The following DNAJB5 variants were observed in gnomAD, a reference collection of about 807,000 sequenced individuals.
DNAJB5 encodes the protein dnaJ homolog subfamily B member 5.
DNAJB5 carries 12 observed loss-of-function variants against 32.6 expected under a neutral mutation model. The observed-to-expected ratio is 0.37, with a 90% CI of 0.24 to 0.60. The LOEUF (loss-of-function observed/expected upper bound fraction) is 0.60. Among genes scored for constraint, DNAJB5 ranks in the 20% least tolerant of loss-of-function variants. The pLI, the probability that DNAJB5 is intolerant of heterozygous loss-of-function variation, is 0.71. For synonymous variants in DNAJB5, 188 were observed against 212.9 expected (o/e 0.88, Z 1.02); for missense variants, 358 against 554.2 (o/e 0.65, Z 3.55).
rs1182996471 is a variant in DNAJB5, at chr9:34,990,345, C to A, written c.-132-154C>A. On this transcript the variant is annotated intron_variant, in intron 1 of 4. Transcript: ENST00000682809. This position sits in a 1 kb window ranked among gnomAD's most constrained non-coding sequence, Gnocchi z 4.5. ...CGGGCCCTCACAATCACACCTGTCACAGGTATACACGCTGCCACTCACAAA... is the reference window on the plus strand; with the variant it reads ...CGGGCCCTCACAATCACACCTGTCAAAGGTATACACGCTGCCACTCACAAA... 3 of 1,483,102 alleles carry A rather than the reference C, an allele frequency of 2.0e-6. No homozygotes were observed. Among genetic ancestry groups the A allele is most frequent in the Middle Eastern group, 2.3e-4 (1 of 4,268 alleles). 91.9% of individuals were successfully genotyped at this position (1,483,102 alleles called of 1,614,324 possible). A position where few individuals can be genotyped will look rare whatever the true frequency, so the allele number is the denominator to read the frequency against.
rs975808584 is a variant in DNAJB5, at chr9:34,991,673, C to CA, written c.182+861_182+862insA. 1.3e-5 allele frequency: 3 copies of CA among 236,672 alleles called. 1 individual carries two copies. The highest frequency in any genetic ancestry group is 8.2e-5 in the African/African-American group (3 of 36,768). The allele number at this position is 236,672 out of a possible 1,614,324, so 14.7% of individuals were successfully genotyped here. On this transcript the variant is annotated intron_variant, in intron 2 of 4. Transcript: ENST00000682809. Reference sequence around the variant, plus strand: ...TGCCATTTCCGAAAACGGTTGCCCCCCCCCCCAACGAGGTGCTCTTTCTTC... The same window carrying CA: ...TGCCATTTCCGAAAACGGTTGCCCCCACCCCCCAACGAGGTGCTCTTTCTTC...
At position 34,990,972 on chromosome 9, in the gene DNAJB5, C is replaced by A; in HGVS notation, c.182+160C>A. 1.5e-6 allele frequency: 1 copy of A among 685,360 alleles called. No homozygotes were observed. The highest frequency in any genetic ancestry group is 2.4e-6 in the Non-Finnish European group (1 of 414,924). 42.5% of individuals were successfully genotyped at this position (685,360 alleles called of 1,614,324 possible). A position where few individuals can be genotyped will look rare whatever the true frequency, so the allele number is the denominator to read the frequency against. ...CTCACCCACATATTTGAATGAATTGCACCCCTTATCATTCCTTTTCTCAAA... is the reference window on the plus strand; with the variant it reads ...CTCACCCACATATTTGAATGAATTGAACCCCTTATCATTCCTTTTCTCAAA... On this transcript the variant is annotated intron_variant, in intron 2 of 4. Coordinates refer to ENST00000682809, the MANE Select transcript of DNAJB5 (RefSeq NM_001349723.3). This position sits in a 1 kb window ranked among gnomAD's most constrained non-coding sequence, Gnocchi z 4.5.
rs544994436 is a variant in DNAJB5, at chr9:34,992,838, A to G, written c.183-362A>G. The G allele has an allele frequency of 1.9e-4, 209 of 1,072,410 alleles. No homozygotes were observed. The African/African-American group carries it at 3.2e-3, about 16-fold the overall frequency. The allele number at this position is 1,072,410 out of a possible 1,614,324, so 66.4% of individuals were successfully genotyped here. ...CTCACCCGTTACACTGACCTTCGCC[A>G]GCTCCTGTGTGTGGGTCGCTCAGTC... On this transcript the variant is annotated intron_variant, in intron 2 of 4. Transcript: ENST00000682809.
intron 2 of DNAJB5, chr9:34,991,364 C>T (rs766519545): frequency 2.2e-6 from 1 of 456,236 alleles, no homozygotes; most frequent in Non-Finnish European, 4.4e-6. Flanking sequence ...CCTGAAAGAG[C>T]TTGCCCTGTG....
In DNAJB5 at chr9:34,993,060, A is replaced by G; in HGVS notation, c.183-140A>G. 1 of 1,444,296 alleles carries G rather than the reference A, an allele frequency of 6.9e-7. No homozygotes were observed. The highest frequency in any genetic ancestry group is 9.1e-7 in the Non-Finnish European group (1 of 1,104,538). The allele number at this position is 1,444,296 out of a possible 1,614,324, so 89.5% of individuals were successfully genotyped here. ...ATCTAGTCCAAACCTTTCATTTTACAGATGGGGGGACGCAGGCCCACAGAA... is the reference window on the plus strand; with the variant it reads ...ATCTAGTCCAAACCTTTCATTTTACGGATGGGGGGACGCAGGCCCACAGAA... On this transcript the variant is annotated intron_variant, in intron 2 of 4. Coordinates refer to ENST00000682809, the MANE Select transcript of DNAJB5 (RefSeq NM_001349723.3). The surrounding 1 kb of genome is among the most constrained non-coding windows in gnomAD (Gnocchi z 4.7).
At position 34,990,177 on chromosome 9, in the gene DNAJB5, C is replaced by T. The variant is rs999559465; in HGVS notation, c.-132-322C>T. 3 of 1,138,510 alleles carry T rather than the reference C, an allele frequency of 2.6e-6. No individual in the cohort carries two copies. Among genetic ancestry groups the T allele is most frequent in the Admixed American group, 3.2e-5 (1 of 31,522 alleles). 70.5% of individuals were successfully genotyped at this position (1,138,510 alleles called of 1,614,324 possible). The stretch of plus-strand genomic sequence containing the variant: ...GAGCCCCCTCCCCTCCTCTCCTCGC[C>T]GCGCCTTTTGTCCCGGCCGAGCTCC... On this transcript the variant is annotated intron_variant, in intron 1 of 4. Coordinates refer to ENST00000682809, the MANE Select transcript of DNAJB5 (RefSeq NM_001349723.3). This position sits in a 1 kb window ranked among gnomAD's most constrained non-coding sequence, Gnocchi z 4.5.
chr9:34,990,197 A>G lies in DNAJB5; in HGVS notation c.-132-302A>G. 4 of 1,196,574 alleles carry G rather than the reference A, an allele frequency of 3.3e-6. No individual in the cohort carries two copies. The highest frequency in any genetic ancestry group is 3.2e-6 in the Non-Finnish European group (3 of 930,522). 74.1% of individuals were successfully genotyped at this position (1,196,574 alleles called of 1,614,324 possible). On this transcript the variant is annotated intron_variant, in intron 1 of 4. Transcript: ENST00000682809. The surrounding 1 kb of genome is among the most constrained non-coding windows in gnomAD (Gnocchi z 4.5). ...CTCGCCGCGCCTTTTGTCCCGGCCGAGCTCCGCTCTGCCCCGCCCATCTGC... is the reference window on the plus strand; with the variant it reads ...CTCGCCGCGCCTTTTGTCCCGGCCGGGCTCCGCTCTGCCCCGCCCATCTGC...
chr9:34,992,655 C>T, intron 2 of DNAJB5: 1 of 365,464 alleles, frequency 2.7e-6, no homozygotes, highest in Non-Finnish European at 3.8e-6. Flanking sequence ...CGATGGCAGA[C>T]AGGACTCCAG....
chr9:34,996,897 T>C lies in DNAJB5; in HGVS notation c.1029+31T>C. 1 of 1,590,308 alleles carries C rather than the reference T, an allele frequency of 6.3e-7. No homozygotes were observed. Among genetic ancestry groups the C allele is most frequent in the Non-Finnish European group, 8.6e-7 (1 of 1,168,848 alleles). ...GCCTAGTCAGGCTGTGTGTGTGTGC[T>C]GGGGAGATGGTGGGGACATTCCCTC... On this transcript the variant is annotated intron_variant, in intron 4 of 4. Transcript: ENST00000682809. The surrounding 1 kb of genome is among the most constrained non-coding windows in gnomAD (Gnocchi z 7.2).
Position 34,990,090 on chromosome 9 carries a change from G to A in DNAJB5, c.-133+259G>A, listed in dbSNP as rs1029277803. The A allele has an allele frequency of 1.1e-4, 83 of 727,166 alleles. No homozygotes were observed. The highest frequency in any genetic ancestry group is 1.7e-4 in the Non-Finnish European group (77 of 461,256). The allele number at this position is 727,166 out of a possible 1,614,324, so 45.0% of individuals were successfully genotyped here. On this transcript the variant is annotated intron_variant, in intron 1 of 4. Coordinates refer to ENST00000682809, the MANE Select transcript of DNAJB5 (RefSeq NM_001349723.3). This position sits in a 1 kb window ranked among gnomAD's most constrained non-coding sequence, Gnocchi z 4.5. ...ACCAGATTGGGTTCTGTGGGGCGGA[G>A]GCATCTGTGAGCAGACCAGCCAGCC...
chr9:34,994,994 C>T (rs971405899), intron 3 of DNAJB5, among the ~76,000 whole-genome samples: 1 of 152,126 alleles, frequency 6.6e-6, no homozygotes, highest in Non-Finnish European at 1.5e-5. Context: ...GAGAATTACC[C>T]CTTCCCATCA....
In DNAJB5 at chr9:34,993,441, G is replaced by C; in HGVS notation, c.424G>C (p.Glu142Gln). ...KRGLYDQYGEEGLKTGGGTSG... is the reference protein window; with the variant it reads ...KRGLYDQYGEQGLKTGGGTSG... ...GGGCCTGTATGACCAGTATGGGGAG[G>C]AAGGTAAGAGGGCAGCACTCCAGCC... Residue 142 changes from glutamate (E) to glutamine (Q), a missense_variant, in exon 3 of 5, where the codon GAA (glutamate) becomes CAA (glutamine). By Grantham distance (29) the Glu-to-Gln change is conservative (BLOSUM62 2). Transcript: ENST00000682809. The surrounding 1 kb of genome is among the most constrained non-coding windows in gnomAD (Gnocchi z 4.7). 1.9e-6 allele frequency: 3 copies of C among 1,610,808 alleles called. No individual in the cohort carries two copies. Among genetic ancestry groups the C allele is most frequent in the Non-Finnish European group, 2.5e-6 (3 of 1,179,192 alleles).
Position 34,990,321 on chromosome 9 carries a change from G to T in DNAJB5, c.-132-178G>T. On this transcript the variant is annotated intron_variant, in intron 1 of 4. Transcript: ENST00000682809. The surrounding 1 kb of genome is among the most constrained non-coding windows in gnomAD (Gnocchi z 4.5). ...AGGCGACAGGAGCTCACTGCCTCTCGGGCCCTCACAATCACACCTGTCACA... is the reference window on the plus strand; with the variant it reads ...AGGCGACAGGAGCTCACTGCCTCTCTGGCCCTCACAATCACACCTGTCACA... 6.9e-7 allele frequency: 1 copy of T among 1,450,496 alleles called. No individual in the cohort carries two copies. Among genetic ancestry groups the T allele is most frequent in the Non-Finnish European group, 9.1e-7 (1 of 1,093,482 alleles). 89.9% of individuals were successfully genotyped at this position (1,450,496 alleles called of 1,614,324 possible). A position where few individuals can be genotyped will look rare whatever the true frequency, so the allele number is the denominator to read the frequency against.
At chr9:34,989,934 G>A in intron 1 of DNAJB5, 103 bp downstream of exon 1, 2 of 1,253,188 alleles carry the variant, frequency 1.6e-6, no homozygotes, top group Non-Finnish European at 2.0e-6. Flanking sequence ...CGTAGGCTCT[G>A]CTGCCTTGGG....
At position 34,990,130 on chromosome 9, in the gene DNAJB5, C is replaced by T. The variant is rs2132968383; in HGVS notation, c.-133+299C>T. 1 of 792,560 alleles carries T rather than the reference C, an allele frequency of 1.3e-6. No individual in the cohort carries two copies. The highest frequency in any genetic ancestry group is 3.2e-5 in the East Asian group (1 of 31,632). 49.1% of individuals were successfully genotyped at this position (792,560 alleles called of 1,614,324 possible). Reference sequence around the variant, plus strand: ...ACCAGCCAGCCAGCGCGGGTGACATCACCGACCACCCTCCCCCGCCCGAGC... The same window carrying T: ...ACCAGCCAGCCAGCGCGGGTGACATTACCGACCACCCTCCCCCGCCCGAGC... On this transcript the variant is annotated intron_variant, in intron 1 of 4. Coordinates refer to ENST00000682809, the MANE Select transcript of DNAJB5 (RefSeq NM_001349723.3). The surrounding 1 kb of genome is among the most constrained non-coding windows in gnomAD (Gnocchi z 4.5).
chr9:34,996,355 T>C lies in DNAJB5; in HGVS notation c.518T>C (p.Phe173Ser), dbSNP rs1055753965. ...GACCCCCATGCCACCTTTGCCTCCTTCTTTGGTGGCTCCAACCCCTTCGAT... is the reference window on the plus strand; with the variant it reads ...GACCCCCATGCCACCTTTGCCTCCTCCTTTGGTGGCTCCAACCCCTTCGAT... Reference protein sequence around the residue: ...HGDPHATFASFFGGSNPFDIF... With the variant: ...HGDPHATFASSFGGSNPFDIF... Residue 173 changes from phenylalanine (F) to serine (S), a missense_variant, in exon 4 of 5, where the codon TTC becomes TCC. By Grantham distance (155) the Phe-to-Ser change is radical (BLOSUM62 -2). Around this residue, in one of 2 missense-constraint regions of DNAJB5, gnomAD observed 248 missense variants for 442.6 expected, o/e 0.56. Transcript: ENST00000682809. This position sits in a 1 kb window ranked among gnomAD's most constrained non-coding sequence, Gnocchi z 7.2. 1 of 1,614,082 alleles carries C rather than the reference T, an allele frequency of 6.2e-7. No individual in the cohort carries two copies. Among genetic ancestry groups the C allele is most frequent in the Non-Finnish European group, 8.5e-7 (1 of 1,179,992 alleles).
At chr9:34,991,458 C>T (rs1446708223) in intron 2 of DNAJB5, 1 of 454,836 alleles carries the variant, frequency 2.2e-6, no homozygotes, top group South Asian at 1.6e-5. Flanking sequence ...GGAGGTAATG[C>T]AGGGACACCA....
Position 34,997,033 on chromosome 9 carries a change from G to A in DNAJB5, c.1037G>A (p.Cys346Tyr). ...CTGCTTCGTCTTTCCCAGGCGCTGTGTGGCTGCACTGTGAACATTCCCACT... is the reference window on the plus strand; with the variant it reads ...CTGCTTCGTCTTTCCCAGGCGCTGTATGGCTGCACTGTGAACATTCCCACT... Reference protein sequence around the residue: ...SALISLKEALCGCTVNIPTID... With the variant: ...SALISLKEALYGCTVNIPTID... Residue 346 changes from cysteine to tyrosine, a missense_variant, in exon 5 of 5, where the codon TGT (cysteine) becomes TAT (tyrosine). Around this residue, in one of 2 missense-constraint regions of DNAJB5, gnomAD observed 248 missense variants for 442.6 expected, o/e 0.56. Transcript: ENST00000682809. The surrounding 1 kb of genome is among the most constrained non-coding windows in gnomAD (Gnocchi z 4.1). 1 of 1,612,992 alleles carries A rather than the reference G, an allele frequency of 6.2e-7. No individual in the cohort carries two copies. Among genetic ancestry groups the A allele is most frequent in the Non-Finnish European group, 8.5e-7 (1 of 1,180,028 alleles).
At position 34,993,459 on chromosome 9, in the gene DNAJB5, C is replaced by T; in HGVS notation, c.427+15C>T. The T allele has an allele frequency of 6.2e-6, 10 of 1,604,512 alleles. No individual in the cohort carries two copies. The highest frequency in any genetic ancestry group is 8.5e-6 in the Non-Finnish European group (10 of 1,177,222). On this transcript the variant is annotated intron_variant, in intron 3 of 4. Transcript: ENST00000682809. The surrounding 1 kb of genome is among the most constrained non-coding windows in gnomAD (Gnocchi z 4.7). ...TGGGGAGGAAGGTAAGAGGGCAGCA[C>T]TCCAGCCCAATCCCGGACCCCTCCG...
Sources: allele counts gnomAD v4.1 joint callset (sites outside exome capture counted in the v4.1 genomes callset), GRCh38; gene constraint gnomAD v4.1.1; regional missense constraint gnomAD v4.1.1; non-coding constraint Gnocchi (gnomAD v3.1); transcripts MANE v1.5; gene names NCBI Gene and HGNC (gene_info 2026-07-23, HGNC 2026-07-21).